Variants in STXBP5L observed in about 807,000 individuals in gnomAD.
The protein encoded by STXBP5L is syntaxin binding protein 5L.
STXBP5L carries 65 observed loss-of-function variants against 144.5 expected under a neutral mutation model. That is an observed-to-expected ratio of 0.45 (90% CI 0.37 to 0.55). The LOEUF is 0.55. STXBP5L is among the 20% of genes least tolerant of loss of function. The probability of loss-of-function intolerance (pLI) is 0.00; values close to 1 mark genes in which losing one functional copy is unlikely to be tolerated. For missense variants in STXBP5L, 1,298 were observed against 1,405.5 expected (o/e 0.92, Z 1.22); for synonymous variants, 505 against 469.6 (o/e 1.08, Z -0.97).
chr3:121,024,643 A>G (rs1576693390), intron 3 of STXBP5L, among the ~76,000 whole-genome samples: 1 of 152,062 alleles, frequency 6.6e-6, no homozygotes, highest in African/African-American at 2.4e-5. Context: ...ACATTTATAA[A>G]CTCATTCTAC....
At chr3:121,173,320 A>T (rs2046800966) in intron 9 of STXBP5L, among the ~76,000 whole-genome samples, 1 of 70,754 alleles carries the variant, frequency 1.4e-5, no homozygotes, top group South Asian at 6.9e-4. Context: ...CCAGAACTTA[A>T]AATATAATAA....
Position 121,169,038 on chromosome 3 carries a change from T to A in STXBP5L, c.877+11411T>A, listed in dbSNP as rs577640333. 6.9e-4 allele frequency among the ~76,000 whole-genome samples: 105 copies of A among 152,206 alleles called. No homozygotes were observed. In the East Asian group the frequency reaches 0.018, roughly 26 times the overall value. ...GAAGAGAGTGGGGACCAATATGCAA[T>A]ATTCTTAAAGAAAAGAATTTTCAAC... is the stretch of plus-strand genomic sequence containing the variant. On this transcript the variant is annotated intron_variant, in intron 9 of 26. Transcript: ENST00000471454.
chr3:121,103,489 G>T (rs1482758389), intron 5 of STXBP5L, among the ~76,000 whole-genome samples: 1 of 151,960 alleles, frequency 6.6e-6, no homozygotes, highest in African/African-American at 2.4e-5. Flanking sequence ...CTAAACATTG[G>T]ATGTACTTGG....
chr3:120,909,838 A>G (rs889417063), intron 2 of STXBP5L, 71 bp downstream of exon 2: 3 of 1,432,686 alleles, frequency 2.1e-6, no homozygotes, highest in Non-Finnish European at 2.8e-6. Context: ...GGGGGGAAAA[A>G]CATACCAGGA....
chr3:121,099,280 T>A (rs1342642428), intron 5 of STXBP5L: 1 of 152,114 alleles, frequency 6.6e-6, no homozygotes, highest in East Asian at 1.9e-4. Flanking sequence ...GGAGTGAACT[T>A]TACTGGACAT....
intron 3 of STXBP5L, among the ~76,000 whole-genome samples, chr3:121,019,962 CTACT>C (rs1945427656): frequency 1.3e-5 from 2 of 152,254 alleles, no homozygotes; most frequent in Admixed American, 6.5e-5. Context: ...AGAAGGTCGA[CTACT>C]TAGCCAATCA....
chr3:121,109,621 G>A (rs1251261947), intron 5 of STXBP5L, among the ~76,000 whole-genome samples: 4 of 152,126 alleles, frequency 2.6e-5, no homozygotes, highest in Non-Finnish European at 5.9e-5. Flanking sequence ...ATTTGCTGAG[G>A]AACGTTTTAC....
At chr3:121,359,422 T>G (rs1405166627) in intron 20 of STXBP5L, among the ~76,000 whole-genome samples, 1 of 152,154 alleles carries the variant, frequency 6.6e-6, no homozygotes, top group Non-Finnish European at 1.5e-5. Context: ...TTCACTTTGT[T>G]GATTGTATCC....
chr3:121,047,420 C>T (rs1947593451), intron 5 of STXBP5L, among the ~76,000 whole-genome samples: 1 of 152,170 alleles, frequency 6.6e-6, no homozygotes, highest in East Asian at 1.9e-4. Flanking sequence ...AATTTTCTGA[C>T]TGGATGGTCT....
chr3:120,951,835 G>A (rs567815516), intron 2 of STXBP5L, among the ~76,000 whole-genome samples: 1 of 152,126 alleles, frequency 6.6e-6, no homozygotes, highest in Non-Finnish European at 1.5e-5. Flanking sequence ...AAATCATGCT[G>A]CTATAAAGAC....
At chr3:121,099,537 A>C (rs2043306958) in intron 5 of STXBP5L, 1 of 152,820 alleles carries the variant, frequency 6.5e-6, no homozygotes, top group Admixed American at 6.5e-5. Flanking sequence ...AACCCTGAAC[A>C]GACCAATATC....
chr3:121,321,271 T>C (rs539366285), intron 20 of STXBP5L, among the ~76,000 whole-genome samples: 1 of 152,306 alleles, frequency 6.6e-6, no homozygotes, highest in East Asian at 1.9e-4. Context: ...TTTGTAATCA[T>C]TAAATGTTAT....
At chr3:121,059,535 G>C (rs1201116941) in intron 5 of STXBP5L, among the ~76,000 whole-genome samples, 2 of 152,038 alleles carry the variant, frequency 1.3e-5, no homozygotes, top group Non-Finnish European at 2.9e-5. Context: ...GCTTGATGGG[G>C]ATAGCATTGA....
intron 2 of STXBP5L, among the ~76,000 whole-genome samples, chr3:120,918,892 A>G (rs546735891): frequency 1.3e-5 from 2 of 152,150 alleles, no homozygotes; most frequent in African/African-American, 4.8e-5. Flanking sequence ...TTCTTTATGA[A>G]CTAGAAGGCT....
chr3:121,052,464 C>G (rs1948092161), intron 5 of STXBP5L, among the ~76,000 whole-genome samples: 1 of 152,102 alleles, frequency 6.6e-6, no homozygotes, highest in Admixed American at 6.6e-5. Flanking sequence ...TAAATGTAAT[C>G]CAGCATATAA....
At chr3:121,081,221 T>A (rs750237158) in intron 5 of STXBP5L, among the ~76,000 whole-genome samples, 1 of 152,138 alleles carries the variant, frequency 6.6e-6, no homozygotes, top group Non-Finnish European at 1.5e-5. Flanking sequence ...TTTTTCTTTA[T>A]GCTATCTCTC....
intron 10 of STXBP5L, among the ~76,000 whole-genome samples, chr3:121,215,718 C>G (rs1039646306): frequency 3.9e-5 from 6 of 152,052 alleles, no homozygotes; most frequent in Non-Finnish European, 1.5e-5. Flanking sequence ...TTATGATATT[C>G]TCTTTATTTT....
intron 22 of STXBP5L, among the ~76,000 whole-genome samples, chr3:121,392,920 T>A (rs1376351720): frequency 6.6e-6 from 1 of 151,450 alleles, no homozygotes; most frequent in South Asian, 2.1e-4. Context: ...TTTGATATGA[T>A]TATTTCTTTT....
rs186968812 is a variant in STXBP5L, at chr3:121,381,622, G to A, written c.2587+90G>A. The A allele has an allele frequency of 3.5e-4, 531 of 1,511,996 alleles. No homozygotes were observed. In the Middle Eastern group the frequency reaches 3.5e-3, roughly 10 times the overall value. The allele number at this position is 1,511,996 out of a possible 1,614,324, so 93.7% of individuals were successfully genotyped here. The stretch of plus-strand genomic sequence containing the variant: ...AAACATAAATTTGTATTGATTTGGA[G>A]CAAAGGTTATAAGTATTCTGCACAA... On this transcript the variant is annotated intron_variant, in intron 22 of 26. Coordinates refer to ENST00000471454, the MANE Select transcript of STXBP5L (RefSeq NM_001308330.2).
Sources: gnomAD v4.1 joint callset for allele counts (sites outside exome capture counted in the v4.1 genomes callset) on GRCh38, gnomAD v4.1.1 for gene constraint, MANE v1.5 for transcripts, NCBI Gene and HGNC (gene_info 2026-07-23, HGNC 2026-07-21) for gene names.